Variants in IKBKB observed in about 807,000 individuals in gnomAD.
The protein encoded by IKBKB is inhibitor of nuclear factor kappa B kinase subunit beta, also known as inhibitor of nuclear factor kappa-B kinase subunit beta.
A neutral mutation model predicts 113.6 loss-of-function variants in IKBKB; 42 were observed. The observed-to-expected ratio is 0.37, with a 90% CI of 0.29 to 0.48. The LOEUF (loss-of-function observed/expected upper bound fraction) is 0.48, where lower values mean the gene tolerates loss of function less well. IKBKB is among the 20% of genes least tolerant of loss of function. The pLI is 0.99. For synonymous variants in IKBKB, 296 were observed against 361.3 expected, an observed-to-expected ratio of 0.82 and a Z score of 2.05; for missense variants, 673 against 939.7, an observed-to-expected ratio of 0.72 and a Z score of 3.71.
At chr8:42,309,674 A>T (rs1291091256) in intron 8 of IKBKB, 1 of 172,750 alleles carries the variant, frequency 5.8e-6, no homozygotes, top group Admixed American at 6.1e-5. Context: ...GCTTAAACCC[A>T]GGAGGCAGAG....
intron 21 of IKBKB, chr8:42,329,800 C>G: frequency 3.0e-6 from 3 of 985,354 alleles, no homozygotes; most frequent in Non-Finnish European, 3.6e-6. Flanking sequence ...GAAAACTAGC[C>G]AAGTTACAGG....
chr8:42,277,253 G>A (rs1809365285), intron 2 of IKBKB, among the ~76,000 whole-genome samples: 1 of 150,358 alleles, frequency 6.7e-6, no homozygotes, highest in Admixed American at 6.7e-5. Flanking sequence ...CTTGATCTCG[G>A]CTCACTGCAA....
At chr8:42,303,984 T>A (rs1052718562) in intron 5 of IKBKB, among the ~76,000 whole-genome samples, 2 of 152,248 alleles carry the variant, frequency 1.3e-5, no homozygotes, top group Non-Finnish European at 2.9e-5. Context: ...ATTTGCACTG[T>A]TCTATTTATA....
At position 42,308,879 on chromosome 8, in the gene IKBKB, G is replaced by A. The variant is rs201949772; in HGVS notation, c.568-22G>A. On this transcript the variant is annotated intron_variant, in intron 7 of 21. Transcript: ENST00000520810. ...CCCCCCAGAGAGGAGCAGCTCAGGT[G>A]TACCCCCTCCTGTTGCTGCAGGCCC... 8.7e-6 allele frequency: 14 copies of A among 1,612,622 alleles called. No homozygotes were observed. In the South Asian group the frequency reaches 1.4e-4, roughly 16 times the overall value.
chr8:42,294,472 C>T (rs17875683), intron 5 of IKBKB, among the ~76,000 whole-genome samples: 1,806 of 152,328 alleles, frequency 0.012, 49 homozygotes, highest in African/African-American at 0.042. Context: ...AAGCCAGGGC[C>T]TGGAAGGGTT....
At chr8:42,314,056 CT>C in intron 8 of IKBKB, 1 of 397,820 alleles carries the variant, frequency 2.5e-6, no homozygotes, top group Non-Finnish European at 4.6e-6. Flanking sequence ...TTTACTGTAC[CT>C]TTTCTGGGTT....
chr8:42,299,269 A>G (rs1563326330), intron 5 of IKBKB, among the ~76,000 whole-genome samples: 1 of 152,176 alleles, frequency 6.6e-6, no homozygotes, highest in Admixed American at 6.5e-5. Flanking sequence ...CGGAGGCTGC[A>G]GACCGCTGCT....
chr8:42,322,465 G>A lies in IKBKB; in HGVS notation c.1957G>A (p.Glu653Lys). 1 of 1,614,080 alleles carries A rather than the reference G, an allele frequency of 6.2e-7. No homozygotes were observed. Among genetic ancestry groups the A allele is most frequent in the Non-Finnish European group, 8.5e-7 (1 of 1,180,022 alleles). ...VVRLQEKRQK[E>K]LWNLLKIACS... is the part of the protein sequence containing the mutation. ...CCGGCTGCAGGAGAAGCGGCAGAAG[G>A]AGCTCTGGAATCTCCTGAAGATTGC... is the stretch of plus-strand genomic sequence containing the variant. The change falls in exon 19 of 22, where the codon GAG becomes AAG. Residue 653 changes from glutamate to lysine, a missense_variant. By Grantham distance (56) the Glu-to-Lys change is moderately conservative. Around this residue, in one of 2 missense-constraint regions of IKBKB, gnomAD observed 506 missense variants for 638.7 expected, o/e 0.79. Transcript: ENST00000520810.
intron 2 of IKBKB, among the ~76,000 whole-genome samples, chr8:42,287,591 A>G (rs569841906): frequency 7.9e-5 from 12 of 152,334 alleles, no homozygotes; most frequent in African/African-American, 2.9e-4. Context: ...CAATCTCTGT[A>G]GGATGTTAAA....
At position 42,328,101 on chromosome 8, in the gene IKBKB, C is replaced by T. The variant is rs186777159; in HGVS notation, c.2115-1023C>T. 9.3e-4 allele frequency among the ~76,000 whole-genome samples: 17 copies of T among 18,228 alleles called. 2 individuals are homozygous for T. The highest frequency in any genetic ancestry group is 1.0e-3 in the African/African-American group (17 of 16,376). 12.0% of individuals were successfully genotyped at this position (18,228 alleles called of 152,430 possible). ...CTGGGATTACAGGCGTGAGCCACCG[C>T]GCCCGGCCAATTTTGTATTTTTATT... On this transcript the variant is annotated intron_variant, in intron 20 of 21. Coordinates refer to ENST00000520810, the MANE Select transcript of IKBKB (RefSeq NM_001556.3).
rs746640727 is a variant in IKBKB at position 42,316,213 on chromosome 8, C to T, written c.804C>T (p.Val268=). The part of the protein sequence containing the change: ...SLPYPNNLNS[V]LAERLEKWLQ... Reference sequence around the variant, plus strand: ...CACACTATGCTCCTCTCCACAGTGTCCTGGCTGAGCGACTGGAGAAGTGGC... The same window carrying T: ...CACACTATGCTCCTCTCCACAGTGTTCTGGCTGAGCGACTGGAGAAGTGGC... The change falls in exon 10 of 22, where the codon GTC becomes GTT. Residue 268 remains valine, a synonymous_variant. Coordinates refer to ENST00000520810, the MANE Select transcript of IKBKB (RefSeq NM_001556.3). This position sits in a 1 kb window ranked among gnomAD's most constrained non-coding sequence, Gnocchi z 4.5. 3 of 1,614,050 alleles carry T rather than the reference C, an allele frequency of 1.9e-6. No homozygotes were observed. The highest frequency in any genetic ancestry group is 1.7e-5 in the Admixed American group (1 of 60,012).
intron 2 of IKBKB, 39 bp downstream of exon 2, chr8:42,272,244 A>T: frequency 1.2e-6 from 2 of 1,613,540 alleles, no homozygotes; most frequent in Non-Finnish European, 1.7e-6. Context: ...GCGGGGAGCC[A>T]GGCCCCCTCC....
chr8:42,300,401 T>C (rs1045373754), intron 5 of IKBKB, among the ~76,000 whole-genome samples: 5 of 152,214 alleles, frequency 3.3e-5, no homozygotes, highest in Admixed American at 2.6e-4. Context: ...CATTTCTCTT[T>C]CCACCTGTTC....
intron 2 of IKBKB, among the ~76,000 whole-genome samples, chr8:42,285,425 C>T (rs1428058324): frequency 6.6e-6 from 1 of 152,080 alleles, no homozygotes; most frequent in Non-Finnish European, 1.5e-5. Context: ...GACACAATGA[C>T]ACATGCTTGT....
intron 8 of IKBKB, among the ~76,000 whole-genome samples, chr8:42,310,922 C>T (rs1302149296): frequency 6.6e-6 from 1 of 152,082 alleles, no homozygotes; most frequent in East Asian, 1.9e-4. Flanking sequence ...TTTAACTTAT[C>T]CCCCGTGGTT....
At chr8:42,304,315 G>C (rs569199893) in intron 5 of IKBKB, among the ~76,000 whole-genome samples, 8 of 152,210 alleles carry the variant, frequency 5.3e-5, no homozygotes, top group African/African-American at 1.9e-4. Flanking sequence ...ATAGTGCAGT[G>C]AACTAGATGT....
chr8:42,274,875 G>A (rs984323440), intron 2 of IKBKB, among the ~76,000 whole-genome samples: 7 of 130,406 alleles, frequency 5.4e-5, no homozygotes, highest in Non-Finnish European at 1.1e-4. Context: ...GTTTTTTTTT[G>A]TTTGTTTGTT....
At position 42,323,652 on chromosome 8, in the gene IKBKB, C is replaced by T. The variant is rs1820186938; in HGVS notation, c.1986+1158C>T. ...TTCTCATTGTCAAAGGCAGAGGGGACAATCCACACACAGTGCAGAGAACAG... is the reference window on the plus strand; with the variant it reads ...TTCTCATTGTCAAAGGCAGAGGGGATAATCCACACACAGTGCAGAGAACAG... On this transcript the variant is annotated intron_variant, in intron 19 of 21. Coordinates refer to ENST00000520810, the MANE Select transcript of IKBKB (RefSeq NM_001556.3). Among the ~76,000 whole-genome samples the T allele has an allele frequency of 2.0e-5, 3 of 152,112 alleles. No individual in the cohort carries two copies. The South Asian group carries it at 6.2e-4, about 31-fold the overall frequency.
chr8:42,325,882 C>T (rs1820644399), intron 19 of IKBKB, 88 bp from the exon 20 acceptor site: 1 of 1,569,106 alleles, frequency 6.4e-7, no homozygotes, highest in Non-Finnish European at 8.6e-7. Context: ...TGGCAGCCAG[C>T]CAGTTGTCTC....
Sources: gnomAD v4.1 joint callset for allele counts (sites outside exome capture counted in the v4.1 genomes callset) on GRCh38, gnomAD v4.1.1 for gene constraint, gnomAD v4.1.1 regional missense constraint, Gnocchi (gnomAD v3.1) non-coding constraint, MANE v1.5 for transcripts, NCBI Gene and HGNC (gene_info 2026-07-23, HGNC 2026-07-21) for gene names.